Variants in XKR9 observed in about 807,000 individuals in gnomAD.
XKR9 encodes the protein XK-related protein 9.
In XKR9, 32 loss-of-function variants were observed where a neutral mutation model predicts 32.0. The observed-to-expected ratio is 1.00, with a 90% CI of 0.76 to 1.34. The LOEUF is 1.34. XKR9 is among the 40% of genes most tolerant of loss of function. The pLI is 0.00. For synonymous variants in XKR9, 168 were observed against 143.4 expected (o/e 1.17, Z -1.22); for missense variants, 546 against 429.7 (o/e 1.27, Z -2.39).
intron 4 of XKR9, among the ~76,000 whole-genome samples, chr8:70,731,191 T>C (rs1387326770): frequency 6.6e-6 from 1 of 152,170 alleles, no homozygotes; most frequent in Non-Finnish European, 1.5e-5. Flanking sequence ...AAGACTAGTT[T>C]CACAAATCCT....
At chr8:70,996,087 G>A in the XKR9 span, among the ~76,000 whole-genome samples, 2 of 152,210 alleles carry the variant, frequency 1.3e-5, no homozygotes, top group South Asian at 4.1e-4. Context: ...AGATTAATTT[G>A]CTGGGGCCCT....
chr8:70,979,171 T>G, the XKR9 span, among the ~76,000 whole-genome samples: 1 of 152,212 alleles, frequency 6.6e-6, no homozygotes, highest in Non-Finnish European at 1.5e-5. Context: ...TTCCTTGTGA[T>G]GGGTTCGAAC....
chr8:70,912,512 G>A, the XKR9 span, among the ~76,000 whole-genome samples: 1 of 152,126 alleles, frequency 6.6e-6, no homozygotes, highest in Non-Finnish European at 1.5e-5. Context: ...ACTGGGTATA[G>A]CAATTCATGG....
At chr8:70,998,873 G>A in the XKR9 span, among the ~76,000 whole-genome samples, 1 of 152,174 alleles carries the variant, frequency 6.6e-6, no homozygotes, top group African/African-American at 2.4e-5. Flanking sequence ...GGTGTCTGTG[G>A]AAGATTGATT....
At chr8:70,808,082 G>T in the XKR9 span, among the ~76,000 whole-genome samples, 2 of 152,036 alleles carry the variant, frequency 1.3e-5, no homozygotes, top group Admixed American at 6.5e-5. Flanking sequence ...AAACCACAGC[G>T]CAATCAAATT....
chr8:70,967,065 CTTTTTTT>C, the XKR9 span, among the ~76,000 whole-genome samples: 1 of 101,292 alleles, frequency 9.9e-6, no homozygotes, highest in East Asian at 2.2e-4. Context: ...GATCTTGACT[CTTTTTTT>C]TTTTTTTTGA....
intron 4 of XKR9, among the ~76,000 whole-genome samples, chr8:70,714,773 G>A (rs542719711): frequency 3.3e-5 from 5 of 152,048 alleles, no homozygotes; most frequent in African/African-American, 1.2e-4. Flanking sequence ...GAACATGGAT[G>A]GGAGTTCTCT....
chr8:70,706,970 T>G lies in XKR9; in HGVS notation c.310T>G (p.Phe104Val). ...CTTAAAAAGGGGTTACCATGCAGCT[T>G]TTAAATATGACAGCAATACTAGTAA... ...FALKRGYHAAFKYDSNTSNFV... is the reference protein window; with the variant it reads ...FALKRGYHAAVKYDSNTSNFV... The change falls in exon 4 of 5, where the codon TTT becomes GTT. Residue 104 changes from phenylalanine to valine, a missense_variant. By Grantham distance (50) the Phe-to-Val change is conservative. Transcript: ENST00000408926. 1 of 1,613,136 alleles carries G rather than the reference T, an allele frequency of 6.2e-7. No homozygotes were observed. The highest frequency in any genetic ancestry group is 8.5e-7 in the Non-Finnish European group (1 of 1,179,336).
At chr8:70,774,366 T>C (rs958481) in intron 2 of XKR9, among the ~76,000 whole-genome samples, 151,110 of 152,230 alleles carry the variant, frequency 0.99, 74,999 homozygotes, top group Middle Eastern at 1. Flanking sequence ...GACTCCTGGG[T>C]TCAAGCAATC....
chr8:70,701,855 T>C (rs951966450), intron 3 of XKR9, among the ~76,000 whole-genome samples: 2 of 152,176 alleles, frequency 1.3e-5, no homozygotes, highest in African/African-American at 2.4e-5. Context: ...ATAAATTAAA[T>C]GACAGTTTTG....
At chr8:71,043,694 CT>C in the XKR9 span, among the ~76,000 whole-genome samples, 1 of 152,168 alleles carries the variant, frequency 6.6e-6, no homozygotes, top group African/African-American at 2.4e-5. Flanking sequence ...CCTTTTGCTT[CT>C]CTTGACACTT....
chr8:70,726,662 T>A (rs1806480597), intron 4 of XKR9, among the ~76,000 whole-genome samples: 1 of 152,198 alleles, frequency 6.6e-6, no homozygotes, highest in African/African-American at 2.4e-5. Context: ...GAGGTGGAAG[T>A]GGTCCAGTCA....
At chr8:70,976,372 T>C in the XKR9 span, among the ~76,000 whole-genome samples, 1 of 152,070 alleles carries the variant, frequency 6.6e-6, no homozygotes, top group Non-Finnish European at 1.5e-5. Context: ...TTTGCTCTTA[T>C]TATTTTGAGG....
the XKR9 span, among the ~76,000 whole-genome samples, chr8:70,941,161 C>A: frequency 6.6e-6 from 1 of 151,848 alleles, no homozygotes; most frequent in Non-Finnish European, 1.5e-5. Context: ...AATCTGCTTT[C>A]TGTCTTTTGG....
the XKR9 span, among the ~76,000 whole-genome samples, chr8:70,876,001 A>G: frequency 7.2e-5 from 11 of 152,200 alleles, no homozygotes; most frequent in Non-Finnish European, 4.4e-5. Context: ...CATATTTAAT[A>G]CAGAAACAAT....
At chr8:70,871,494 A>G in the XKR9 span, among the ~76,000 whole-genome samples, 16,578 of 152,218 alleles carry the variant, frequency 0.11, 1,447 homozygotes, top group Admixed American at 0.28. Context: ...TCATTATTAT[A>G]TAGCTTCTAT....
intron 2 of XKR9, among the ~76,000 whole-genome samples, chr8:70,677,136 T>A (rs559746002): frequency 2.1e-5 from 3 of 144,606 alleles, no homozygotes; most frequent in Admixed American, 1.4e-4. Flanking sequence ...TAAAAAAAAA[T>A]AAAAAAAATC....
chr8:70,756,812 C>G (rs1244533869), intron 2 of XKR9, among the ~76,000 whole-genome samples: 1 of 152,160 alleles, frequency 6.6e-6, no homozygotes, highest in Non-Finnish European at 1.5e-5. Flanking sequence ...CATTTTCCTT[C>G]TCTTCCAATT....
the XKR9 span, among the ~76,000 whole-genome samples, chr8:70,835,613 T>C: frequency 6.6e-6 from 1 of 152,070 alleles, no homozygotes; most frequent in Non-Finnish European, 1.5e-5. Flanking sequence ...AGAGAAAAGA[T>C]CACACTAAAG....
Sources: gnomAD v4.1 joint callset for allele counts (sites outside exome capture counted in the v4.1 genomes callset) on GRCh38, gnomAD v4.1.1 for gene constraint, MANE v1.5 for transcripts, NCBI Gene and HGNC (gene_info 2026-07-23, HGNC 2026-07-21) for gene names.